Variants in DHCR24 observed in about 807,000 individuals in gnomAD.
The protein encoded by DHCR24 is 24-dehydrocholesterol reductase, also known as delta(24)-sterol reductase.
In DHCR24, 28 loss-of-function variants were observed where a neutral mutation model predicts 61.2. That is an observed-to-expected ratio of 0.46 (90% CI 0.34 to 0.63). The LOEUF is 0.63. Among genes scored for constraint, DHCR24 ranks in the 20% least tolerant of loss-of-function variants. DHCR24 has a pLI of 0.01. For synonymous variants in DHCR24, 261 were observed against 275.9 expected, an observed-to-expected ratio of 0.95 and a Z score of 0.54; for missense variants, 538 against 679.1, an observed-to-expected ratio of 0.79 and a Z score of 2.31.
chr1:54,853,516 C>T lies in DHCR24; in HGVS notation c.1315G>A (p.Ala439Thr). 6.2e-7 allele frequency: 1 copy of T among 1,614,210 alleles called. No individual in the cohort carries two copies. Among genetic ancestry groups the T allele is most frequent in the Non-Finnish European group, 8.5e-7 (1 of 1,180,038 alleles). ...NEAELYIDIG[A>T]YGEPRVKHFE... ...TGTTTCACACGCGGCTCCCCATATG[C>T]TCCAATGTCGATGTAGAGCTCTGCC... The change falls in exon 8 of 9, where the codon GCA (alanine) becomes ACA (threonine). Residue 439 changes from alanine (A) to threonine (T), a missense_variant. Physicochemically the swap from Ala to Thr is moderately conservative, Grantham distance 58 (BLOSUM62 0). Coordinates refer to ENST00000371269, the MANE Select transcript of DHCR24 (RefSeq NM_014762.4).
intron 2 of DHCR24, among the ~76,000 whole-genome samples, chr1:54,876,849 C>G (rs1647036399): frequency 6.6e-6 from 1 of 151,778 alleles, no homozygotes; most frequent in Non-Finnish European, 1.5e-5. Flanking sequence ...CTGATACAGC[C>G]TCAGTACGTC....
At chr1:54,864,967 T>C (rs1646959789) in intron 6 of DHCR24, among the ~76,000 whole-genome samples, 2 of 152,214 alleles carry the variant, frequency 1.3e-5, no homozygotes, top group South Asian at 2.1e-4. Context: ...CTAATGTTCC[T>C]GCGGCCCTTT....
At chr1:54,884,077 T>TA (rs1319736885) in intron 1 of DHCR24, among the ~76,000 whole-genome samples, 1 of 152,222 alleles carries the variant, frequency 6.6e-6, no homozygotes, top group East Asian at 1.9e-4. Flanking sequence ...ATGGTGATAA[T>TA]AGCAAGTATA....
chr1:54,881,980 G>C (rs1392645140), intron 2 of DHCR24, among the ~76,000 whole-genome samples: 1 of 152,190 alleles, frequency 6.6e-6, no homozygotes, highest in African/African-American at 2.4e-5. Context: ...TCAGAGGGTG[G>C]AGGGAGGGAG....
chr1:54,853,757 C>A (rs1330220156), intron 7 of DHCR24, 145 bp from the exon 8 acceptor site: 42 of 1,007,280 alleles, frequency 4.2e-5, no homozygotes, highest in Non-Finnish European at 5.2e-5. Context: ...TGCCCCGCCC[C>A]CCAGCCCTGG....
chr1:54,863,105 G>A (rs1646948069), intron 6 of DHCR24, among the ~76,000 whole-genome samples: 1 of 143,572 alleles, frequency 7.0e-6, no homozygotes, highest in Non-Finnish European at 1.5e-5. Context: ...AAAAAAGGCA[G>A]TCAACCTTGG....
chr1:54,866,231 G>C (rs1293357757), intron 5 of DHCR24, among the ~76,000 whole-genome samples: 1 of 152,134 alleles, frequency 6.6e-6, no homozygotes, highest in Non-Finnish European at 1.5e-5. Context: ...CACCCAGGCA[G>C]GTCATCTCTG....
chr1:54,852,510 C>A, intron 8 of DHCR24, 124 bp from the exon 9 acceptor site: 1 of 1,072,628 alleles, frequency 9.3e-7, no homozygotes, highest in Non-Finnish European at 1.4e-6. Flanking sequence ...TGTTTAACCC[C>A]GTTAACCTGG....
chr1:54,867,164 T>C (rs1376957138), intron 5 of DHCR24, among the ~76,000 whole-genome samples: 3 of 152,188 alleles, frequency 2.0e-5, no homozygotes, highest in Non-Finnish European at 4.4e-5. Context: ...ACCCCAGCCC[T>C]TGACTGCAAG....
chr1:54,860,408 C>T (rs1646929406), intron 6 of DHCR24, among the ~76,000 whole-genome samples: 1 of 152,192 alleles, frequency 6.6e-6, no homozygotes. Context: ...AACTAGAACC[C>T]TGAAGCCCTC....
intron 6 of DHCR24, among the ~76,000 whole-genome samples, chr1:54,860,883 G>T (rs1413952278): frequency 5.6e-5 from 2 of 35,466 alleles, no homozygotes; most frequent in South Asian, 2.3e-3. Flanking sequence ...AGCTACTCGG[G>T]GGGCTGAGGC....
chr1:54,884,453 A>G (rs533194284), intron 1 of DHCR24, among the ~76,000 whole-genome samples: 82 of 152,332 alleles, frequency 5.4e-4, no homozygotes, highest in African/African-American at 1.9e-3. Flanking sequence ...CACCAAGCCA[A>G]TGGAAGGAAG....
Position 54,879,322 on chromosome 1 carries a change from G to GGGAAAAAA in DHCR24, c.388-3276_388-3275insTTTTTTCC, listed in dbSNP as rs1647052099. 4.6e-5 allele frequency among the ~76,000 whole-genome samples: 5 copies of GGGAAAAAA among 108,502 alleles called. 1 individual carries two copies. Among genetic ancestry groups the GGGAAAAAA allele is most frequent in the Non-Finnish European group, 5.3e-5 (3 of 56,326 alleles). The allele number at this position is 108,502 out of a possible 152,430, so 71.2% of individuals were successfully genotyped here. ...TGGAGGACAGAGCAAGACTCCATCT[G>GGGAAAAAA]AAAAAAAAAAAAAAAAAAAAAAAAA... On this transcript the variant is annotated intron_variant, in intron 2 of 8. Transcript: ENST00000371269.
In DHCR24 at chr1:54,853,528, T is replaced by G; in HGVS notation, c.1303A>C (p.Ile435Leu). Residue 435 changes from isoleucine (I) to leucine (L), a missense_variant, in exon 8 of 9, where the codon ATC (isoleucine) becomes CTC (leucine). Transcript: ENST00000371269. The stretch of plus-strand genomic sequence containing the variant: ...GGCTCCCCATATGCTCCAATGTCGA[T>G]GTAGAGCTCTGCCTCATTTCCTTTG... ...HPKGNEAELYIDIGAYGEPRV... is the reference protein window; with the variant it reads ...HPKGNEAELYLDIGAYGEPRV... The G allele has an allele frequency of 6.2e-7, 1 of 1,614,164 alleles. No homozygotes were observed. The highest frequency in any genetic ancestry group is 8.5e-7 in the Non-Finnish European group (1 of 1,180,018).
Position 54,852,346 on chromosome 1 carries a change from C to T in DHCR24, c.1438G>A (p.Glu480Lys), listed in dbSNP as rs387906940. 1.2e-6 allele frequency: 2 copies of T among 1,614,202 alleles called. No homozygotes were observed. The highest frequency in any genetic ancestry group is 3.3e-5 in the Admixed American group (2 of 60,032). Residue 480 changes from glutamate (E) to lysine (K), a missense_variant, in exon 9 of 9, where the codon GAG (glutamate) becomes AAG (lysine). Transcript: ENST00000371269. ...GAGCCATCAAACATCTCCCAGAACT[C>T]CTCCCGGTTCATGTAGCAGTCGGCA... ...LYADCYMNRE[E>K]FWEMFDGSLY...
At chr1:54,886,705 G>C in intron 1 of DHCR24, 184 bp downstream of exon 1, 1 of 1,465,232 alleles carries the variant, frequency 6.8e-7, no homozygotes, top group Non-Finnish European at 9.0e-7. Context: ...CACTTTGCCT[G>C]TTCTGTTCCC....
chr1:54,873,934 G>A (rs1258806917), intron 4 of DHCR24, among the ~76,000 whole-genome samples: 1 of 152,068 alleles, frequency 6.6e-6, no homozygotes, highest in Non-Finnish European at 1.5e-5. Flanking sequence ...ACAGGAGTGA[G>A]CCACTGCACC....
chr1:54,853,844 T>A (rs1451582883), intron 7 of DHCR24, among the ~76,000 whole-genome samples, 193 bp downstream of exon 7: 1 of 152,076 alleles, frequency 6.6e-6, no homozygotes, highest in African/African-American at 2.4e-5. Flanking sequence ...CCAGACCCTA[T>A]GACTCCTCTC....
At chr1:54,876,368 T>C (rs1350941301) in intron 2 of DHCR24, among the ~76,000 whole-genome samples, 1 of 152,156 alleles carries the variant, frequency 6.6e-6, no homozygotes, top group Admixed American at 6.5e-5. Flanking sequence ...AAATCACCCA[T>C]CCTGGCTGGT....
Sources: allele counts gnomAD v4.1 joint callset (sites outside exome capture counted in the v4.1 genomes callset), GRCh38; gene constraint gnomAD v4.1.1; transcripts MANE v1.5; gene names NCBI Gene and HGNC (gene_info 2026-07-23, HGNC 2026-07-21).